The following MYO18B variants were observed in gnomAD, a reference collection of about 807,000 sequenced individuals.
MYO18B encodes the protein unconventional myosin-XVIIIb.
Under a neutral mutation model 273.0 loss-of-function variants are expected in MYO18B, and 204 were observed. The ratio of observed to expected loss-of-function variants is 0.75; its 90% CI spans 0.67 to 0.84. The LOEUF (loss-of-function observed/expected upper bound fraction) is 0.84, where lower values mean the gene tolerates loss of function less well. Among genes scored for constraint, MYO18B ranks in the 40% least tolerant of loss-of-function variants. MYO18B has a pLI of 0.00. For synonymous variants in MYO18B, 1,330 were observed against 1,305.7 expected, an observed-to-expected ratio of 1.02 and a Z score of -0.40; for missense variants, 3,212 against 3,287.6, an observed-to-expected ratio of 0.98 and a Z score of 0.56.
intron 1 of MYO18B, among the ~76,000 whole-genome samples, chr22:25,747,131 A>C (rs1406944214): frequency 1.3e-5 from 2 of 152,192 alleles, no homozygotes; most frequent in African/African-American, 4.8e-5. Context: ...CAAAAAAAGA[A>C]AGAAAGAAAA....
chr22:26,020,631 T>G (rs1454706404), intron 42 of MYO18B, among the ~76,000 whole-genome samples: 3 of 152,218 alleles, frequency 2.0e-5, no homozygotes, highest in African/African-American at 7.2e-5. Flanking sequence ...CTGTAGTGTC[T>G]TTTGCCTCAT....
rs1188332623 is a variant in MYO18B at position 25,780,182 on chromosome 22, C to G, written c.2195C>G (p.Thr732Arg). The G allele has an allele frequency of 6.2e-7, 1 of 1,604,922 alleles. No homozygotes were observed. Among genetic ancestry groups the G allele is most frequent in the African/African-American group, 1.3e-5 (1 of 74,796 alleles). ...SLDFNATGRITAAQLQTMLLE... is the reference protein window; with the variant it reads ...SLDFNATGRIRAAQLQTMLLE... ...GACTTCAACGCTACAGGCCGCATCACAGCTGCTCAGCTCCAGGTGAGGCCT... is the reference window on the plus strand; with the variant it reads ...GACTTCAACGCTACAGGCCGCATCAGAGCTGCTCAGCTCCAGGTGAGGCCT... The change falls in exon 9 of 44, where the codon ACA (threonine) becomes AGA (arginine). Residue 732 changes from threonine to arginine, a missense_variant. Thr to Arg is a moderately conservative substitution (Grantham distance 71). Transcript: ENST00000335473.
intron 32 of MYO18B, 123 bp downstream of exon 32, chr22:25,908,555 A>T: frequency 2.6e-6 from 2 of 756,192 alleles, no homozygotes; most frequent in South Asian, 1.7e-5. Context: ...TTCTGCAATC[A>T]TCTGAGACCT....
chr22:26,016,501 G>A (rs1935338034), intron 42 of MYO18B, among the ~76,000 whole-genome samples: 1 of 152,222 alleles, frequency 6.6e-6, no homozygotes, highest in South Asian at 2.1e-4. Context: ...CTGGAAGTGG[G>A]TTTTGAATCT....
In MYO18B at chr22:25,908,348, C is replaced by A. The variant is rs149627931; in HGVS notation, c.5175C>A (p.Ile1725=). The A allele has an allele frequency of 6.3e-7, 1 of 1,595,670 alleles. No homozygotes were observed. Among genetic ancestry groups the A allele is most frequent in the South Asian group, 1.1e-5 (1 of 87,332 alleles). Residue 1725 remains isoleucine (I), a synonymous_variant, in exon 32 of 44, where the codon ATC becomes ATA. Transcript: ENST00000335473. The stretch of plus-strand genomic sequence containing the variant: ...TCCGCCAGCGGTTTGAGCTGGAGAT[C>A]GAGCGGATGAAGCAGATGCACCAGA... ...EQLRQRFELE[I]ERMKQMHQKD... is the part of the protein sequence containing the mutation.
At chr22:25,961,267 A>G (rs1030111839) in intron 39 of MYO18B, among the ~76,000 whole-genome samples, 2 of 151,826 alleles carry the variant, frequency 1.3e-5, no homozygotes, top group African/African-American at 2.4e-5. Flanking sequence ...AAGATCTTCC[A>G]TGGGTCATGG....
At chr22:25,912,456 G>A (rs2092176802) in intron 33 of MYO18B, among the ~76,000 whole-genome samples, 1 of 152,114 alleles carries the variant, frequency 6.6e-6, no homozygotes, top group Non-Finnish European at 1.5e-5. Flanking sequence ...TATACAAATT[G>A]CAAAAATAAA....
At chr22:25,954,701 A>G (rs111619871) in intron 38 of MYO18B, among the ~76,000 whole-genome samples, 3,146 of 152,090 alleles carry the variant, frequency 0.021, 110 homozygotes, top group African/African-American at 0.071. Flanking sequence ...TCAGAATAGC[A>G]GTTATTTTAT....
At chr22:26,008,681 A>T (rs1257092615) in intron 42 of MYO18B, among the ~76,000 whole-genome samples, 1 of 152,158 alleles carries the variant, frequency 6.6e-6, no homozygotes, top group African/African-American at 2.4e-5. Flanking sequence ...GAGGGAGTTT[A>T]TGGGCTGGAT....
intron 40 of MYO18B, among the ~76,000 whole-genome samples, chr22:25,998,022 GT>G (rs1286741920): frequency 1.3e-5 from 2 of 149,910 alleles, no homozygotes; most frequent in African/African-American, 2.5e-5. Context: ...TGCAGGTGAG[GT>G]TCTTTGAGAG....
chr22:26,001,239 C>G (rs1933925194), intron 40 of MYO18B, among the ~76,000 whole-genome samples: 1 of 152,146 alleles, frequency 6.6e-6, no homozygotes, highest in Admixed American at 6.5e-5. Flanking sequence ...TTGAGATTAG[C>G]TATTGTAATA....
intron 21 of MYO18B, among the ~76,000 whole-genome samples, chr22:25,863,364 T>G (rs1319363303): frequency 1.3e-5 from 2 of 152,218 alleles, no homozygotes; most frequent in Non-Finnish European, 2.9e-5. Context: ...ACCCTTAGTT[T>G]GGATCATAAT....
intron 33 of MYO18B, among the ~76,000 whole-genome samples, chr22:25,918,200 C>T (rs376151898): frequency 2.6e-5 from 4 of 152,294 alleles, no homozygotes; most frequent in Admixed American, 6.5e-5. Flanking sequence ...CTCAGCAACA[C>T]GCATTCTGTC....
At chr22:25,900,005 C>T (rs1003257362) in intron 29 of MYO18B, 2 of 152,248 alleles carry the variant, frequency 1.3e-5, no homozygotes, top group African/African-American at 4.8e-5. Flanking sequence ...TTTCAACTCT[C>T]TGATGAGTAA....
At chr22:25,938,324 A>G (rs1047350576) in intron 34 of MYO18B, among the ~76,000 whole-genome samples, 1 of 152,228 alleles carries the variant, frequency 6.6e-6, no homozygotes, top group Non-Finnish European at 1.5e-5. Flanking sequence ...TAGTTGATGT[A>G]TATGTGATAG....
chr22:25,792,621 A>G lies in MYO18B; in HGVS notation c.2377-5332A>G, dbSNP rs538459148. Among the ~76,000 whole-genome samples the G allele has an allele frequency of 2.7e-5, 4 of 148,138 alleles. No individual in the cohort carries two copies. The East Asian group carries it at 8.0e-4, about 30-fold the overall frequency. Reference sequence around the variant, plus strand: ...GCCATTCGCCTGCCTTAGCCTCCCTAGGAGCTGGGACTATAGGTGCGCGCC... The same window carrying G: ...GCCATTCGCCTGCCTTAGCCTCCCTGGGAGCTGGGACTATAGGTGCGCGCC... On this transcript the variant is annotated intron_variant, in intron 11 of 43. Coordinates refer to ENST00000335473, the MANE Select transcript of MYO18B (RefSeq NM_032608.7).
the MYO18B span, among the ~76,000 whole-genome samples, chr22:26,045,049 GT>G: frequency 6.7e-6 from 1 of 149,826 alleles, no homozygotes; most frequent in African/African-American, 2.5e-5. Flanking sequence ...CTATGTGACT[GT>G]TTTTTTTTGT....
At chr22:25,903,934 C>T (rs999874194) in intron 31 of MYO18B, 103 bp downstream of exon 31, 4 of 1,218,528 alleles carry the variant, frequency 3.3e-6, no homozygotes, top group Non-Finnish European at 4.6e-6. Context: ...GCTCCTCATC[C>T]TTCAATGGCT....
intron 1 of MYO18B, among the ~76,000 whole-genome samples, chr22:25,757,449 T>G (rs2146569580): frequency 6.6e-6 from 1 of 151,562 alleles, no homozygotes; most frequent in East Asian, 2.0e-4. Context: ...TTAGCGGGCG[T>G]GGTGGCACGT....
Sources: gnomAD v4.1 joint callset for allele counts (sites outside exome capture counted in the v4.1 genomes callset) on GRCh38, gnomAD v4.1.1 for gene constraint, MANE v1.5 for transcripts, NCBI Gene and HGNC (gene_info 2026-07-23, HGNC 2026-07-21) for gene names.